Variants in SLC27A6 observed in about 807,000 individuals in gnomAD.
SLC27A6 encodes the protein solute carrier family 27 member 6.
Under a neutral mutation model 63.9 loss-of-function variants are expected in SLC27A6, and 74 were observed. The ratio of observed to expected loss-of-function variants is 1.16; its 90% CI spans 0.96 to 1.40. SLC27A6 has a LOEUF of 1.40. SLC27A6 is among the 40% of genes most tolerant of loss of function. SLC27A6 has a pLI of 0.00. For synonymous variants in SLC27A6, 287 were observed against 260.8 expected (o/e 1.10, Z -0.97); for missense variants, 794 against 732.9 (o/e 1.08, Z -0.96).
chr5:129,025,387 G>C (rs559790072), intron 6 of SLC27A6, among the ~76,000 whole-genome samples: 3 of 151,910 alleles, frequency 2.0e-5, no homozygotes, highest in South Asian at 4.2e-4. Context: ...TGAAATACAG[G>C]GAATGTAGAC....
chr5:129,013,927 G>T (rs905763909), intron 4 of SLC27A6, among the ~76,000 whole-genome samples: 1 of 152,036 alleles, frequency 6.6e-6, no homozygotes, highest in Non-Finnish European at 1.5e-5. Flanking sequence ...ATGGCACATG[G>T]CTGGGATTTG....
intron 4 of SLC27A6, among the ~76,000 whole-genome samples, chr5:128,999,960 G>T (rs1279718430): frequency 6.6e-6 from 1 of 152,228 alleles, no homozygotes; most frequent in Non-Finnish European, 1.5e-5. Context: ...AAAATGGCTG[G>T]AGAGCAGGGG....
At chr5:129,008,569 A>T (rs1196557298) in intron 4 of SLC27A6, among the ~76,000 whole-genome samples, 1 of 152,226 alleles carries the variant, frequency 6.6e-6, no homozygotes, top group African/African-American at 2.4e-5. Flanking sequence ...AAGTCCTAAG[A>T]TTTGCAATGC....
rs1290537673 is a variant in SLC27A6 at position 128,990,401 on chromosome 5, G to A, written c.906G>A (p.Lys302=). 1 of 1,613,984 alleles carries A rather than the reference G, an allele frequency of 6.2e-7. No homozygotes were observed. The part of the protein sequence containing the change: ...SASQFWSDCK[K]YDVTVFQYIG... ...GCCAGTTTTGGAGTGACTGCAAGAAGTATGATGTGACTGTGTTTCAGTATA... is the reference window on the plus strand; with the variant it reads ...GCCAGTTTTGGAGTGACTGCAAGAAATATGATGTGACTGTGTTTCAGTATA... The change falls in exon 4 of 10, where the codon AAG becomes AAA. Residue 302 remains lysine (K), a synonymous_variant. Transcript: ENST00000262462.
intron 1 of SLC27A6, among the ~76,000 whole-genome samples, chr5:128,971,664 G>A (rs532230951): frequency 3.3e-5 from 5 of 151,884 alleles, no homozygotes; most frequent in East Asian, 1.9e-4. Flanking sequence ...GTCTCTGCAC[G>A]TGAGATGGGT....
intron 4 of SLC27A6, among the ~76,000 whole-genome samples, chr5:129,005,534 T>C (rs2150144204): frequency 6.6e-6 from 1 of 152,246 alleles, no homozygotes; most frequent in East Asian, 1.9e-4. Context: ...TTATACTGTC[T>C]TTCTGACAAC....
chr5:128,966,082 G>C lies in SLC27A6; in HGVS notation c.-56G>C. On this transcript the variant is annotated 5_prime_UTR_variant, in exon 1 of 10. Coordinates refer to ENST00000262462, the MANE Select transcript of SLC27A6 (RefSeq NM_001017372.3). ...TCTCCGTGGAGAGCTGTGCCTGGAA[G>C]AGAAGGACGCTGGTGGGGGCTGAGA... The C allele has an allele frequency of 6.6e-7, 1 of 1,512,112 alleles. No homozygotes were observed. The highest frequency in any genetic ancestry group is 8.8e-7 in the Non-Finnish European group (1 of 1,133,606). The allele number at this position is 1,512,112 out of a possible 1,614,324, so 93.7% of individuals were successfully genotyped here. A position where few individuals can be genotyped will look rare whatever the true frequency, so the allele number is the denominator to read the frequency against.
At chr5:129,026,797 G>A (rs956686660) in intron 6 of SLC27A6, among the ~76,000 whole-genome samples, 10 of 152,188 alleles carry the variant, frequency 6.6e-5, no homozygotes, top group African/African-American at 2.4e-4. Flanking sequence ...TATAACAAAT[G>A]TCAATATTAT....
At position 128,965,723 on chromosome 5, in the gene SLC27A6, G is replaced by A. The variant is rs147556038; in HGVS notation, c.-415G>A. ...GTTTGTTTAGGGTCGCAGAAGCAGG[G>A]AGGACTGACTCAGCCCTCACAGAGA... On this transcript the variant is annotated 5_prime_UTR_variant, in exon 1 of 10. Coordinates refer to ENST00000262462, the MANE Select transcript of SLC27A6 (RefSeq NM_001017372.3). 3.4e-3 allele frequency: 562 copies of A among 165,006 alleles called. 4 individuals are homozygous for A. The highest frequency in any genetic ancestry group is 0.013 in the African/African-American group (542 of 42,108). The allele number at this position is 165,006 out of a possible 1,614,324, so 10.2% of individuals were successfully genotyped here. A position where few individuals can be genotyped will look rare whatever the true frequency, so the allele number is the denominator to read the frequency against.
rs1205913175 is a variant in SLC27A6 at position 128,974,473 on chromosome 5, A to G, written c.481+7855A>G. 5.3e-5 allele frequency among the ~76,000 whole-genome samples: 8 copies of G among 152,362 alleles called. No individual in the cohort carries two copies. The South Asian group carries it at 1.0e-3, about 20-fold the overall frequency. ...TTCTATTTTGATTAACAGATTTTGTAATAAGATGTAGCTTAGATCATAGTC... is the reference window on the plus strand; with the variant it reads ...TTCTATTTTGATTAACAGATTTTGTGATAAGATGTAGCTTAGATCATAGTC... On this transcript the variant is annotated intron_variant, in intron 1 of 9. Coordinates refer to ENST00000262462, the MANE Select transcript of SLC27A6 (RefSeq NM_001017372.3).
chr5:128,996,013 G>A (rs560767764), intron 4 of SLC27A6, among the ~76,000 whole-genome samples: 22 of 144,082 alleles, frequency 1.5e-4, no homozygotes, highest in South Asian at 9.7e-4. Context: ...ACTGAGATTC[G>A]AGGAATTAAA....
At chr5:128,987,958 G>A (rs1047085079) in intron 2 of SLC27A6, among the ~76,000 whole-genome samples, 5 of 152,096 alleles carry the variant, frequency 3.3e-5, no homozygotes, top group African/African-American at 7.2e-5. Flanking sequence ...CAGCGAAATG[G>A]ATAGATGAGA....
chr5:128,997,278 AT>A, intron 4 of SLC27A6, among the ~76,000 whole-genome samples: 1 of 152,176 alleles, frequency 6.6e-6, no homozygotes, highest in Admixed American at 6.5e-5. Context: ...AAAGACATTT[AT>A]ATATTTTTTA....
chr5:129,029,003 G>T (rs2150156456), intron 8 of SLC27A6, among the ~76,000 whole-genome samples: 1 of 152,024 alleles, frequency 6.6e-6, no homozygotes, highest in South Asian at 2.1e-4. Flanking sequence ...GGAGAGATCA[G>T]GGATGTGAGT....
intron 4 of SLC27A6, among the ~76,000 whole-genome samples, chr5:128,995,654 C>T (rs895047777): frequency 5.3e-5 from 8 of 151,978 alleles, no homozygotes; most frequent in African/African-American, 1.9e-4. Context: ...TGGGAGGTTG[C>T]CGTCATGACA....
At chr5:129,000,091 C>A (rs577787839) in intron 4 of SLC27A6, among the ~76,000 whole-genome samples, 4 of 152,210 alleles carry the variant, frequency 2.6e-5, no homozygotes, top group African/African-American at 9.6e-5. Context: ...GAGCACTGGG[C>A]ATTCTCATCA....
intron 4 of SLC27A6, among the ~76,000 whole-genome samples, chr5:129,013,328 C>T (rs1751788305): frequency 6.6e-6 from 1 of 152,060 alleles, no homozygotes; most frequent in African/African-American, 2.4e-5. Context: ...AGTGTTCCAT[C>T]TGTACCGTTC....
At chr5:128,978,785 G>A (rs1402770121) in intron 1 of SLC27A6, among the ~76,000 whole-genome samples, 1 of 152,044 alleles carries the variant, frequency 6.6e-6, no homozygotes, top group Non-Finnish European at 1.5e-5. Flanking sequence ...AAAATAGAAG[G>A]CAAAATCATT....
At chr5:128,998,196 G>A (rs1470520338) in intron 4 of SLC27A6, among the ~76,000 whole-genome samples, 1 of 151,938 alleles carries the variant, frequency 6.6e-6, no homozygotes, top group Non-Finnish European at 1.5e-5. Flanking sequence ...GGAGGCTGAG[G>A]TGGCAGGATC....
Sources: allele counts gnomAD v4.1 joint callset (sites outside exome capture counted in the v4.1 genomes callset), GRCh38; gene constraint gnomAD v4.1.1; transcripts MANE v1.5; gene names NCBI Gene and HGNC (gene_info 2026-07-23, HGNC 2026-07-21).